The following ZFHX4 variants were observed in gnomAD, a reference collection of about 807,000 sequenced individuals.
ZFHX4 encodes the protein zinc finger homeobox protein 4.
ZFHX4 carries 56 observed loss-of-function variants against 267.6 expected under a neutral mutation model. That is an observed-to-expected ratio of 0.21 (90% CI 0.17 to 0.26). The LOEUF (loss-of-function observed/expected upper bound fraction) is 0.26. Among genes scored for constraint, ZFHX4 ranks in the 10% least tolerant of loss-of-function variants. The pLI is 1.00. For synonymous variants in ZFHX4, 1,778 were observed against 1,665.6 expected, an observed-to-expected ratio of 1.07 and a Z score of -1.64; for missense variants, 4,332 against 4,420.0, an observed-to-expected ratio of 0.98 and a Z score of 0.56.
intron 1 of ZFHX4, chr8:76,682,474 G>C (rs1003048969): frequency 6.6e-6 from 1 of 152,098 alleles, no homozygotes; most frequent in Non-Finnish European, 1.5e-5. Context: ...GGCTGCTCTC[G>C]GCGGCGCGGG....
chr8:76,838,522 T>G (rs143699425), intron 5 of ZFHX4, among the ~76,000 whole-genome samples: 1 of 152,018 alleles, frequency 6.6e-6, no homozygotes, highest in African/African-American at 2.4e-5. Flanking sequence ...AGTAGATCAT[T>G]AGGAGGATAG....
At position 76,864,392 on chromosome 8, in the gene ZFHX4, A is replaced by G. The variant is rs1343419074; in HGVS notation, c.10678A>G (p.Ser3560Gly). 6.2e-7 allele frequency: 1 copy of G among 1,613,786 alleles called. No individual in the cohort carries two copies. The highest frequency in any genetic ancestry group is 2.2e-5 in the East Asian group (1 of 44,836). Residue 3560 changes from serine to glycine, a missense_variant, in exon 11 of 11, where the codon AGC becomes GGC. Around this residue, in one of 7 missense-constraint regions of ZFHX4, gnomAD observed 1,648 missense variants for 1,625.0 expected, o/e 1.01. Transcript: ENST00000651372. ...TTCAACGGTTACCTCAAGTTTGTGC[A>G]GCACCTCAGGGGTTCAAACCTCACT... ...LPSTVTSSLC[S>G]TSGVQTSLPT...
chr8:76,850,766 C>T, intron 9 of ZFHX4, 120 bp from the exon 10 acceptor site: 2 of 1,224,184 alleles, frequency 1.6e-6, no homozygotes, highest in Non-Finnish European at 2.2e-6. Flanking sequence ...GCTCAGTAAA[C>T]ATTTATTCAA....
Position 76,852,849 on chromosome 8 carries a change from A to G in ZFHX4, c.5928A>G (p.Ala1976=). 2 of 1,613,886 alleles carry G rather than the reference A, an allele frequency of 1.2e-6. No individual in the cohort carries two copies. The highest frequency in any genetic ancestry group is 1.7e-6 in the Non-Finnish European group (2 of 1,179,852). The change falls in exon 10 of 11, where the codon GCA becomes GCG. Residue 1976 remains alanine (A), a synonymous_variant. Coordinates refer to ENST00000651372, the MANE Select transcript of ZFHX4 (RefSeq NM_024721.5). ...EHVHGQFFPY[A]ALEKFARQYR... ...TACATGGGCAATTTTTTCCATATGC[A>G]GCGCTAGAAAAATTTGCTCGTCAAT... is the stretch of plus-strand genomic sequence containing the variant.
In ZFHX4 at chr8:76,707,772, T is replaced by C; in HGVS notation, c.2817T>C (p.Ile939=). 1 of 1,613,922 alleles carries C rather than the reference T, an allele frequency of 6.2e-7. No individual in the cohort carries two copies. The highest frequency in any genetic ancestry group is 8.5e-7 in the Non-Finnish European group (1 of 1,179,910). ...SLPEEEWRAV[I]GDIYQCKLCN... is the part of the protein sequence containing the mutation. ...CTGAAGAGGAATGGAGGGCAGTAAT[T>C]GGAGATATCTACCAGTGCAAGCTCT... is the stretch of plus-strand genomic sequence containing the variant. The change falls in exon 3 of 11, where the codon ATT becomes ATC. Residue 939 remains isoleucine (I), a synonymous_variant. Transcript: ENST00000651372.
chr8:76,841,302 T>A (rs1207965657), intron 5 of ZFHX4, among the ~76,000 whole-genome samples: 2 of 152,176 alleles, frequency 1.3e-5, no homozygotes, highest in Admixed American at 6.5e-5. Flanking sequence ...AGGCACTAAA[T>A]AGATTTTTTT....
At chr8:76,838,699 A>G (rs1812154330) in intron 5 of ZFHX4, among the ~76,000 whole-genome samples, 1 of 152,180 alleles carries the variant, frequency 6.6e-6, no homozygotes, top group African/African-American at 2.4e-5. Context: ...TTGAAAAAGT[A>G]TGAAATGCTT....
At chr8:76,755,738 AT>A (rs890833237) in intron 3 of ZFHX4, among the ~76,000 whole-genome samples, 4 of 152,050 alleles carry the variant, frequency 2.6e-5, no homozygotes, top group African/African-American at 2.4e-5. Context: ...AGTTAGTTGT[AT>A]TTGCCTTTTT....
At chr8:76,719,855 AC>A (rs371207223) in intron 3 of ZFHX4, among the ~76,000 whole-genome samples, 5 of 152,262 alleles carry the variant, frequency 3.3e-5, no homozygotes, top group African/African-American at 1.2e-4. Flanking sequence ...GGAAAATGTG[AC>A]TGAAAGTTTT....
Position 76,855,116 on chromosome 8 carries a change from A to G in ZFHX4, c.8195A>G (p.Tyr2732Cys). ...ESPQKYIYFDYPSLPLTKIDL... is the reference protein window; with the variant it reads ...ESPQKYIYFDCPSLPLTKIDL... The stretch of plus-strand genomic sequence containing the variant: ...CCACAGAAATACATCTATTTTGATT[A>G]CCCATCTTTGCCATTAACTAAAATT... Residue 2732 changes from tyrosine (Y) to cysteine (C), a missense_variant, in exon 10 of 11, where the codon TAC becomes TGC. Tyr to Cys is a radical substitution (Grantham distance 194). Transcript: ENST00000651372. The G allele has an allele frequency of 1.2e-6, 2 of 1,613,740 alleles. No homozygotes were observed. Among genetic ancestry groups the G allele is most frequent in the Non-Finnish European group, 1.7e-6 (2 of 1,179,748 alleles).
At chr8:76,835,241 G>GTATA (rs144954045) in intron 5 of ZFHX4, among the ~76,000 whole-genome samples, 3 of 42,636 alleles carry the variant, frequency 7.0e-5, no homozygotes, top group Middle Eastern at 9.4e-3. Flanking sequence ...ATATATATAT[G>GTATA]TATATATATA....
At chr8:76,692,050 G>A (rs1209489284) in intron 1 of ZFHX4, among the ~76,000 whole-genome samples, 1 of 152,078 alleles carries the variant, frequency 6.6e-6, no homozygotes, top group African/African-American at 2.4e-5. Flanking sequence ...GTTGACAGGT[G>A]GATGCTCCTC....
chr8:76,778,507 AC>A, intron 4 of ZFHX4, 68 bp downstream of exon 4: 17 of 1,229,762 alleles, frequency 1.4e-5, no homozygotes, highest in South Asian at 2.5e-5. Flanking sequence ...ACACACACAC[AC>A]AAACACACAC....
intron 3 of ZFHX4, among the ~76,000 whole-genome samples, chr8:76,761,655 AC>A (rs138637240): frequency 2.2e-3 from 339 of 152,316 alleles, no homozygotes; most frequent in African/African-American, 7.7e-3. Context: ...CATTTGTTAA[AC>A]AATACATGTG....
chr8:76,863,890 CACTT>C lies in ZFHX4; in HGVS notation c.10179_10182del (p.Tyr3394LeufsTer16), dbSNP rs1812950480. 1 of 1,570,444 alleles carries C rather than the reference CACTT, an allele frequency of 6.4e-7. No individual in the cohort carries two copies. On this transcript the variant is annotated frameshift_variant, in exon 11 of 11. Coordinates refer to ENST00000651372, the MANE Select transcript of ZFHX4 (RefSeq NM_024721.5). LOFTEE classifies it high-confidence loss of function. The stretch of plus-strand genomic sequence containing the variant: ...AATCCAAAAGTGCAGACTTTTCAGA[CACTT>C]ACGTTGTTCCATTCGTCAAGTATGA...
At chr8:76,798,046 A>G (rs540798620) in intron 4 of ZFHX4, among the ~76,000 whole-genome samples, 2 of 152,284 alleles carry the variant, frequency 1.3e-5, no homozygotes, top group African/African-American at 4.8e-5. Context: ...GGAAGCTAGT[A>G]TTGAAACTTT....
chr8:76,698,534 G>C (rs1808016562), intron 1 of ZFHX4, among the ~76,000 whole-genome samples: 1 of 152,008 alleles, frequency 6.6e-6, no homozygotes. Flanking sequence ...TGCAGATTTA[G>C]TGATGTGAGA....
At chr8:76,743,978 C>T (rs892330337) in intron 3 of ZFHX4, among the ~76,000 whole-genome samples, 1 of 152,178 alleles carries the variant, frequency 6.6e-6, no homozygotes, top group East Asian at 1.9e-4. Context: ...TTAACCACTT[C>T]ATTGTTTAAG....
At chr8:76,755,925 A>C (rs1430531592) in intron 3 of ZFHX4, among the ~76,000 whole-genome samples, 1 of 152,154 alleles carries the variant, frequency 6.6e-6, no homozygotes, top group Non-Finnish European at 1.5e-5. Context: ...GTGACCTCAA[A>C]ATATCCTCAC....
Sources: gnomAD v4.1 joint callset for allele counts (sites outside exome capture counted in the v4.1 genomes callset) on GRCh38, gnomAD v4.1.1 for gene constraint, gnomAD v4.1.1 regional missense constraint, MANE v1.5 for transcripts, NCBI Gene and HGNC (gene_info 2026-07-23, HGNC 2026-07-21) for gene names.